RABGAP1L: variants seen among roughly 807,000 people sequenced by gnomAD.
RABGAP1L encodes rab GTPase-activating protein 1-like.
Under a neutral mutation model 137.7 loss-of-function variants are expected in RABGAP1L, and 63 were observed. The observed-to-expected ratio is 0.46, with a 90% CI of 0.37 to 0.56. RABGAP1L has a LOEUF of 0.56. Ranked by LOEUF, RABGAP1L falls within the 20% of genes least tolerant of loss-of-function variation. The probability of loss-of-function intolerance (pLI) is 0.00; values close to 1 mark genes in which losing one functional copy is unlikely to be tolerated. For synonymous variants in RABGAP1L, 431 were observed against 433.7 expected, an observed-to-expected ratio of 0.99 and a Z score of 0.08; for missense variants, 1,095 against 1,244.0, an observed-to-expected ratio of 0.88 and a Z score of 1.80.
At chr1:174,694,465 T>C (rs934870483) in intron 15 of RABGAP1L, among the ~76,000 whole-genome samples, 1 of 151,942 alleles carries the variant, frequency 6.6e-6, no homozygotes, top group African/African-American at 2.4e-5. Context: ...TTTTTTGTTC[T>C]TGCGATAGTT....
At chr1:174,702,844 G>A (rs1438709836) in intron 17 of RABGAP1L, among the ~76,000 whole-genome samples, 2 of 151,800 alleles carry the variant, frequency 1.3e-5, no homozygotes, top group African/African-American at 4.8e-5. Flanking sequence ...TCCTTAGATG[G>A]CTATATTTAT....
Position 174,486,435 on chromosome 1 carries a change from C to T in RABGAP1L, c.1710+92290C>T, listed in dbSNP as rs947706577. On this transcript the variant is annotated intron_variant, in intron 13 of 25. Transcript: ENST00000681986. Reference sequence around the variant, plus strand: ...GATCTCGGCTCACTGCAAGTTCCACCTCCTGGGTTCGTGCCATTCTCCTGC... The same window carrying T: ...GATCTCGGCTCACTGCAAGTTCCACTTCCTGGGTTCGTGCCATTCTCCTGC... Among the ~76,000 whole-genome samples the T allele has an allele frequency of 7.9e-5, 12 of 151,244 alleles. No individual in the cohort carries two copies. The East Asian group carries it at 1.8e-3, about 22-fold the overall frequency.
chr1:174,576,674 G>A (rs1051658194), intron 13 of RABGAP1L, among the ~76,000 whole-genome samples: 2 of 152,098 alleles, frequency 1.3e-5, no homozygotes, highest in Non-Finnish European at 2.9e-5. Flanking sequence ...TTATGTTTAA[G>A]TATGGTTCCC....
At chr1:174,875,615 A>G (rs1334425703) in intron 19 of RABGAP1L, 11 of 985,250 alleles carry the variant, frequency 1.1e-5, no homozygotes, top group African/African-American at 3.5e-5. Flanking sequence ...CATCTAGAAA[A>G]TGTTGCAAGA....
At chr1:174,556,625 G>A (rs74845163) in intron 13 of RABGAP1L, among the ~76,000 whole-genome samples, 1 of 152,194 alleles carries the variant, frequency 6.6e-6, no homozygotes, top group Non-Finnish European at 1.5e-5. Flanking sequence ...AGGTTACACA[G>A]TTGAAATAAT....
At position 174,686,993 on chromosome 1, in the gene RABGAP1L, T is replaced by C. The variant is rs950254098; in HGVS notation, c.1899+3397T>C. 2.0e-5 allele frequency among the ~76,000 whole-genome samples: 3 copies of C among 152,014 alleles called. No homozygotes were observed. In the East Asian group the frequency reaches 5.8e-4, roughly 29 times the overall value. ...TCTTTGAACATACCGTAGTTTAGCATTTTTTACCTGTAGCCCTGTTTAACA... is the reference window on the plus strand; with the variant it reads ...TCTTTGAACATACCGTAGTTTAGCACTTTTTACCTGTAGCCCTGTTTAACA... On this transcript the variant is annotated intron_variant, in intron 15 of 25. Transcript: ENST00000681986.
At position 174,833,449 on chromosome 1, in the gene RABGAP1L, G is replaced by GATATAT. The variant is rs760181639; in HGVS notation, c.2340+21503_2340+21508dup. On this transcript the variant is annotated intron_variant, in intron 19 of 25. Coordinates refer to ENST00000681986, the MANE Select transcript of RABGAP1L (RefSeq NM_001366446.1). ...ATATATATATGTGTGTGTGTGTAGA[G>GATATAT]ATATATATATATATATATAGTAGAG... Among the ~76,000 whole-genome samples the GATATAT allele has an allele frequency of 1.8e-4, 5 of 27,828 alleles. 1 individual carries two copies. Among genetic ancestry groups the GATATAT allele is most frequent in the Admixed American group, 5.9e-4 (1 of 1,684 alleles). The allele number at this position is 27,828 out of a possible 152,430, so 18.3% of individuals were successfully genotyped here.
At chr1:174,782,109 A>T (rs1371643422) in intron 18 of RABGAP1L, among the ~76,000 whole-genome samples, 2 of 152,148 alleles carry the variant, frequency 1.3e-5, no homozygotes, top group African/African-American at 4.8e-5. Flanking sequence ...GAAGAAAGTC[A>T]TTGGTAGCTT....
intron 11 of RABGAP1L, among the ~76,000 whole-genome samples, chr1:174,368,485 C>T (rs928280346): frequency 2.0e-4 from 30 of 151,988 alleles, no homozygotes; most frequent in Non-Finnish European, 2.2e-4. Context: ...TTTTTATACT[C>T]TCTGTCAATG....
intron 11 of RABGAP1L, among the ~76,000 whole-genome samples, chr1:174,362,150 G>A (rs990009875): frequency 8.5e-5 from 13 of 152,120 alleles, no homozygotes; most frequent in African/African-American, 2.7e-4. Flanking sequence ...TCCATTGTGT[G>A]TATGTGCCAC....
intron 13 of RABGAP1L, among the ~76,000 whole-genome samples, chr1:174,444,727 A>G (rs1571843648): frequency 1.3e-5 from 2 of 152,110 alleles, no homozygotes; most frequent in Non-Finnish European, 2.9e-5. Flanking sequence ...GTTTGTTGGC[A>G]TATATATTTT....
intron 4 of RABGAP1L, among the ~76,000 whole-genome samples, chr1:174,239,135 G>A (rs1334861660): frequency 6.6e-6 from 1 of 152,098 alleles, no homozygotes; most frequent in Non-Finnish European, 1.5e-5. Flanking sequence ...CTCGCGCACC[G>A]TGCGCGCACC....
intron 14 of RABGAP1L, among the ~76,000 whole-genome samples, chr1:174,645,043 TTAAA>T (rs1356194534): frequency 7.2e-5 from 11 of 152,250 alleles, no homozygotes; most frequent in African/African-American, 2.6e-4. Flanking sequence ...GGGATTTTTG[TTAAA>T]TAAGAAGATT....
chr1:174,820,165 AT>A (rs1363331539), intron 19 of RABGAP1L, among the ~76,000 whole-genome samples: 2 of 152,204 alleles, frequency 1.3e-5, no homozygotes, highest in African/African-American at 4.8e-5. Flanking sequence ...CTTTAGAAAC[AT>A]TTAGTAGTCC....
chr1:174,812,001 G>A, intron 19 of RABGAP1L, 41 bp downstream of exon 19: 1 of 1,518,302 alleles, frequency 6.6e-7, no homozygotes. Flanking sequence ...TAAAATATGA[G>A]TGCAGAATAA....
intron 20 of RABGAP1L, among the ~76,000 whole-genome samples, chr1:174,965,318 A>G (rs978183398): frequency 6.6e-6 from 1 of 152,182 alleles, no homozygotes; most frequent in African/African-American, 2.4e-5. Context: ...TGCTTGTGCA[A>G]ACTTACAGCA....
intron 19 of RABGAP1L, among the ~76,000 whole-genome samples, chr1:174,912,385 C>T (rs916039581): frequency 2.0e-5 from 3 of 152,164 alleles, no homozygotes; most frequent in Non-Finnish European, 4.4e-5. Flanking sequence ...TCATGTGATC[C>T]TCTCACCTTG....
intron 19 of RABGAP1L, among the ~76,000 whole-genome samples, chr1:174,942,079 C>A (rs1316851012): frequency 6.6e-6 from 1 of 152,172 alleles, no homozygotes; most frequent in Non-Finnish European, 1.5e-5. Context: ...TGTGTGAGTT[C>A]TTAGAGTTCC....
intron 18 of RABGAP1L, among the ~76,000 whole-genome samples, chr1:174,762,663 A>G (rs1476333985): frequency 6.6e-6 from 1 of 152,230 alleles, no homozygotes; most frequent in East Asian, 1.9e-4. Context: ...TTGCTGGCAC[A>G]TAGTAGGCAC....
Sources: allele counts gnomAD v4.1 joint callset (sites outside exome capture counted in the v4.1 genomes callset), GRCh38; gene constraint gnomAD v4.1.1; transcripts MANE v1.5; gene names NCBI Gene and HGNC (gene_info 2026-07-23, HGNC 2026-07-21).